GJB6: variants seen among roughly 807,000 people sequenced by gnomAD.
The protein encoded by GJB6 is gap junction beta-6 protein.
Under a neutral mutation model 5.4 loss-of-function variants are expected in GJB6, and 5 were observed. The ratio of observed to expected loss-of-function variants is 0.92; its 90% confidence interval spans 0.48 to 1.93. The LOEUF is 1.93. GJB6 is among the 30% of genes most tolerant of loss of function. The pLI, the probability that GJB6 is intolerant of heterozygous loss-of-function variation, is 0.01. For missense variants in GJB6, 298 were observed against 326.9 expected (o/e 0.91, Z 0.68); for synonymous variants, 136 against 129.6 (o/e 1.05, Z -0.34).
Position 20,223,023 on chromosome 13 carries a change from A to G in GJB6, c.458T>C (p.Val153Ala), listed in dbSNP as rs779119807. 5 of 1,614,206 alleles carry G rather than the reference A, an allele frequency of 3.1e-6. No homozygotes were observed. The highest frequency in any genetic ancestry group is 1.7e-5 in the Admixed American group (1 of 60,028). The part of the protein sequence containing the change: ...RIIFEAAFMY[V>A]FYFLYNGYHL... ...GTACCCATTGTAAAGGAAGTAAAAC[A>G]CATACATAAAGGCTGCTTCAAAGAT... Residue 153 changes from valine to alanine, a missense_variant, in exon 5 of 5, where the codon GTG becomes GCG. Val to Ala is a moderately conservative substitution (Grantham distance 64, BLOSUM62 0). Coordinates refer to ENST00000647029, the MANE Select transcript of GJB6 (RefSeq NM_001110219.3).
intron 4 of GJB6, among the ~76,000 whole-genome samples, chr13:20,227,226 G>A (rs1266071111): frequency 6.6e-6 from 1 of 151,992 alleles, no homozygotes; most frequent in East Asian, 1.9e-4. Flanking sequence ...ACGGTCTGAG[G>A]GTGTTCTATC....
In GJB6 at chr13:20,223,359, T is replaced by C; in HGVS notation, c.122A>G (p.Gln41Arg). ...CTCTTGCTCGTCACCCCACACTTCC[T>C]GGGCAGCCACCACGAGGATCATGAC... is the stretch of plus-strand genomic sequence containing the variant. ...FRVMILVVAA[Q>R]EVWGDEQEDF... The change falls in exon 5 of 5, where the codon CAG (glutamine) becomes CGG (arginine). Residue 41 changes from glutamine (Q) to arginine (R), a missense_variant. Coordinates refer to ENST00000647029, the MANE Select transcript of GJB6 (RefSeq NM_001110219.3). The C allele has an allele frequency of 1.2e-6, 2 of 1,614,216 alleles. No individual in the cohort carries two copies. Among genetic ancestry groups the C allele is most frequent in the Non-Finnish European group, 1.7e-6 (2 of 1,180,046 alleles).
intron 4 of GJB6, among the ~76,000 whole-genome samples, chr13:20,226,483 T>A (rs1306847300): frequency 6.6e-6 from 1 of 152,102 alleles, no homozygotes. Context: ...ACAACATATT[T>A]CACAGCCAAA....
intron 4 of GJB6, among the ~76,000 whole-genome samples, chr13:20,224,632 T>C (rs1869451768): frequency 6.6e-6 from 1 of 152,196 alleles, no homozygotes; most frequent in Non-Finnish European, 1.5e-5. Context: ...ATGGACACTT[T>C]TGCTATAATT....
chr13:20,224,386 C>G (rs897674977), intron 4 of GJB6, among the ~76,000 whole-genome samples: 2 of 152,174 alleles, frequency 1.3e-5, no homozygotes, highest in African/African-American at 4.8e-5. Context: ...CTAATATTGT[C>G]AACTACTGAG....
Position 20,222,914 on chromosome 13 carries a change from G to A in GJB6, c.567C>T (p.Thr189=), listed in dbSNP as rs779020990. The change falls in exon 5 of 5, where the codon ACC becomes ACT. Residue 189 remains threonine (T), a synonymous_variant. Coordinates refer to ENST00000647029, the MANE Select transcript of GJB6 (RefSeq NM_001110219.3). ...CAGAAATCATAAAAATGGTAAACAC[G>A]GTCTTCTCTGTTGGCCTAGAAATAA... ...DCFISRPTEK[T]VFTIFMISAS... 1.1e-5 allele frequency: 18 copies of A among 1,613,878 alleles called. No homozygotes were observed. Among genetic ancestry groups the A allele is most frequent in the Admixed American group, 5.0e-5 (3 of 59,994 alleles).
rs766245553 is a variant in GJB6 at position 20,222,770 on chromosome 13, C to T, written c.711G>A (p.Lys237=). Residue 237 remains lysine, a synonymous_variant, in exon 5 of 5, where the codon AAG becomes AAA. Transcript: ENST00000647029. ...TQKNHPNHAL[K]ESKQNEMNEL... is the part of the protein sequence containing the mutation. ...CATTCATTTCATTCTGCTTACTCTCCTTTAGGGCATGATTGGGGTGATTTT... is the reference window on the plus strand; with the variant it reads ...CATTCATTTCATTCTGCTTACTCTCTTTTAGGGCATGATTGGGGTGATTTT... 4 of 1,613,948 alleles carry T rather than the reference C, an allele frequency of 2.5e-6. No homozygotes were observed. The African/African-American group carries it at 5.3e-5, about 22-fold the overall frequency.
At chr13:20,231,305 G>C (rs943521044) in intron 2 of GJB6, 77 bp downstream of exon 2, 2 of 152,218 alleles carry the variant, frequency 1.3e-5, no homozygotes, top group African/African-American at 4.8e-5. Flanking sequence ...CACTGAGGTC[G>C]CTGGGCCAGT....
chr13:20,223,507 A>T lies in GJB6; in HGVS notation c.-15-12T>A. 6.2e-7 allele frequency: 1 copy of T among 1,606,662 alleles called. No homozygotes were observed. Among genetic ancestry groups the T allele is most frequent in the Non-Finnish European group, 8.5e-7 (1 of 1,173,356 alleles). On this transcript the variant is annotated splice_polypyrimidine_tract_variant and intron_variant, in intron 4 of 4. Transcript: ENST00000647029. ...GCGCTGGTTTATCCCTAAACAGACA[A>T]AAGTGGGCAAAGGTTTATTAGTGGA...
intron 1 of GJB6, among the ~76,000 whole-genome samples, chr13:20,231,931 G>C (rs997244640): frequency 6.6e-6 from 1 of 152,240 alleles, no homozygotes; most frequent in Non-Finnish European, 1.5e-5. Context: ...CACTGCCATC[G>C]GGCCGGGGCC....
intron 4 of GJB6, among the ~76,000 whole-genome samples, chr13:20,228,480 G>GTTTTTTTTTTTTTTTTTT (rs71306168): frequency 1.7e-5 from 2 of 118,110 alleles, no homozygotes; most frequent in Non-Finnish European, 1.7e-5. Flanking sequence ...TTTGTTTTTT[G>GTTTTTTTTTTTTTTTTTT]TTTTTGTTTT....
rs1465672746 is a variant in GJB6 at position 20,223,508 on chromosome 13, A to C, written c.-15-13T>G. The C allele has an allele frequency of 3.1e-6, 5 of 1,606,490 alleles. No individual in the cohort carries two copies. In the African/African-American group the frequency reaches 6.7e-5, roughly 21 times the overall value. ...CGCTGGTTTATCCCTAAACAGACAAAAGTGGGCAAAGGTTTATTAGTGGAA... is the reference window on the plus strand; with the variant it reads ...CGCTGGTTTATCCCTAAACAGACAACAGTGGGCAAAGGTTTATTAGTGGAA... On this transcript the variant is annotated splice_polypyrimidine_tract_variant and intron_variant, in intron 4 of 4. Transcript: ENST00000647029.
intron 4 of GJB6, among the ~76,000 whole-genome samples, chr13:20,229,147 A>AAAAAT (rs1276147789): frequency 3.1e-4 from 28 of 89,196 alleles, no homozygotes; most frequent in African/African-American, 1.4e-3. Flanking sequence ...AAAAAAAAAA[A>AAAAAT]AAATTTTTTT....
In GJB6 at chr13:20,223,093, C is replaced by A. The variant is rs1402819311; in HGVS notation, c.388G>T (p.Gly130Trp). The A allele has an allele frequency of 6.2e-7, 1 of 1,613,780 alleles. No homozygotes were observed. The highest frequency in any genetic ancestry group is 1.7e-5 in the Admixed American group (1 of 59,994). ...CTGGTGTACGTCCACCACAGCGACC[C>A]CTCTATCCGAACCTTCTGCTTTTTA... Reference protein sequence around the residue: ...DIKKQKVRIEGSLWWTYTSSI... With the variant: ...DIKKQKVRIEWSLWWTYTSSI... The change falls in exon 5 of 5, where the codon GGG becomes TGG. Residue 130 changes from glycine (G) to tryptophan (W), a missense_variant. By Grantham distance (184) the Gly-to-Trp change is radical (BLOSUM62 -2). Transcript: ENST00000647029.
intron 4 of GJB6, among the ~76,000 whole-genome samples, chr13:20,226,301 A>G (rs940424189): frequency 3.3e-5 from 5 of 152,064 alleles, no homozygotes; most frequent in African/African-American, 1.2e-4. Context: ...AAAAAAAAAA[A>G]AAAAGAAAAT....
At position 20,222,069 on chromosome 13, in the gene GJB6, C is replaced by T. The variant is rs1212432490; in HGVS notation, c.*626G>A. The T allele has an allele frequency of 6.5e-6, 1 of 153,006 alleles. No individual in the cohort carries two copies. Among genetic ancestry groups the T allele is most frequent in the Non-Finnish European group, 1.5e-5 (1 of 68,288 alleles). The allele number at this position is 153,006 out of a possible 1,614,324, so 9.5% of individuals were successfully genotyped here. ...GAGTTAAAAAAGCCTTCTGCTTCCACACTGTTCCGTCTACATTCAGAAAGC... is the reference window on the plus strand; with the variant it reads ...GAGTTAAAAAAGCCTTCTGCTTCCATACTGTTCCGTCTACATTCAGAAAGC... On this transcript the variant is annotated 3_prime_UTR_variant, in exon 5 of 5. Transcript: ENST00000647029.
chr13:20,225,718 C>A (rs1003391083), intron 4 of GJB6: 1 of 152,056 alleles, frequency 6.6e-6, no homozygotes, highest in Non-Finnish European at 1.5e-5. Flanking sequence ...TTCTGTTGAG[C>A]CCCCAGCAAC....
chr13:20,229,113 T>A (rs1180366653), intron 4 of GJB6, among the ~76,000 whole-genome samples: 2 of 126,514 alleles, frequency 1.6e-5, no homozygotes, highest in Admixed American at 1.7e-4. Flanking sequence ...CCCCTTTCAA[T>A]GTCATTTAGC....
At position 20,228,709 on chromosome 13, in the gene GJB6, C is replaced by T. The variant is rs531885873; in HGVS notation, c.-16+871G>A. Among the ~76,000 whole-genome samples the T allele has an allele frequency of 2.7e-4, 40 of 150,736 alleles. No homozygotes were observed. The South Asian group carries it at 2.7e-3, about 10-fold the overall frequency. ...CCGTGTTAGCCAGGATGGTCTCGAT[C>T]TCCTGACCTCATGATCCGCCCCCCT... On this transcript the variant is annotated intron_variant, in intron 4 of 4. Coordinates refer to ENST00000647029, the MANE Select transcript of GJB6 (RefSeq NM_001110219.3).
Sources: allele counts gnomAD v4.1 joint callset (sites outside exome capture counted in the v4.1 genomes callset), GRCh38; gene constraint gnomAD v4.1.1; transcripts MANE v1.5; gene names NCBI Gene and HGNC (gene_info 2026-07-23, HGNC 2026-07-21).